The following MYT1L variants were observed in gnomAD, a reference collection of about 807,000 sequenced individuals.
MYT1L encodes myelin transcription factor 1 like.
A neutral mutation model predicts 126.7 loss-of-function variants in MYT1L; 12 were observed. The ratio of observed to expected loss-of-function variants is 0.09; its 90% CI spans 0.06 to 0.15. The LOEUF (loss-of-function observed/expected upper bound fraction) is 0.15, where lower values mean the gene tolerates loss of function less well. Ranked by LOEUF, MYT1L falls within the 10% of genes least tolerant of loss-of-function variation. The pLI is 1.00. For synonymous variants in MYT1L, 541 were observed against 604.2 expected (o/e 0.90, Z 1.53); for missense variants, 979 against 1,585.2 (o/e 0.62, Z 6.49).
At chr2:2,146,411 A>T (rs2084884363) in intron 3 of MYT1L, among the ~76,000 whole-genome samples, 1 of 152,056 alleles carries the variant, frequency 6.6e-6, no homozygotes, top group Non-Finnish European at 1.5e-5. Flanking sequence ...GGGACGATAG[A>T]AGTGAGTGTG....
chr2:1,866,348 G>A (rs920232434), intron 18 of MYT1L, among the ~76,000 whole-genome samples: 6 of 152,058 alleles, frequency 3.9e-5, no homozygotes, highest in Non-Finnish European at 8.8e-5. Context: ...GCTTCCATAG[G>A]TGTGGATCAT....
intron 2 of MYT1L, among the ~76,000 whole-genome samples, chr2:2,217,015 G>A (rs573383531): frequency 1.3e-5 from 2 of 152,298 alleles, no homozygotes; most frequent in African/African-American, 4.8e-5. Context: ...ATCTACCAAA[G>A]AAATGCAAAT....
chr2:2,165,481 T>C (rs1410028831), intron 3 of MYT1L, among the ~76,000 whole-genome samples: 2 of 152,136 alleles, frequency 1.3e-5, no homozygotes, highest in African/African-American at 2.4e-5. Context: ...TTCTCTCACA[T>C]CACCAATGCG....
chr2:1,999,529 G>T (rs1198683161), intron 4 of MYT1L, among the ~76,000 whole-genome samples: 1 of 151,760 alleles, frequency 6.6e-6, no homozygotes, highest in Non-Finnish European at 1.5e-5. Context: ...AAATATGAAA[G>T]AACAGAAAAT....
intron 2 of MYT1L, among the ~76,000 whole-genome samples, chr2:2,200,733 A>C (rs13399743): frequency 6.6e-6 from 1 of 152,186 alleles, no homozygotes; most frequent in African/African-American, 2.4e-5. Context: ...TCTTCTGAAA[A>C]GGGAGTTTCT....
intron 4 of MYT1L, among the ~76,000 whole-genome samples, chr2:2,030,124 GTCT>G (rs1337983370): frequency 6.6e-6 from 1 of 152,300 alleles, no homozygotes; most frequent in East Asian, 1.9e-4. Context: ...TTAAGATGGA[GTCT>G]TGCTCTGTCG....
intron 18 of MYT1L, among the ~76,000 whole-genome samples, chr2:1,854,406 A>C (rs2043652482): frequency 6.6e-6 from 1 of 152,218 alleles, no homozygotes; most frequent in African/African-American, 2.4e-5. Context: ...CTAAATAAGC[A>C]CTACTCAGGT....
chr2:2,250,493 G>T (rs1294013221), intron 2 of MYT1L, among the ~76,000 whole-genome samples: 2 of 151,186 alleles, frequency 1.3e-5, no homozygotes, highest in Non-Finnish European at 2.9e-5. Context: ...GAAAATAGAA[G>T]GAATGTTACC....
chr2:2,033,710 A>T (rs1574697983), intron 4 of MYT1L, among the ~76,000 whole-genome samples: 1 of 152,152 alleles, frequency 6.6e-6, no homozygotes, highest in East Asian at 1.9e-4. Context: ...CTATTAAATC[A>T]ACTCTCCAGG....
chr2:1,810,686 A>T (rs893204878), intron 21 of MYT1L, among the ~76,000 whole-genome samples: 4 of 152,148 alleles, frequency 2.6e-5, no homozygotes, highest in Non-Finnish European at 5.9e-5. Flanking sequence ...TTTCTTTTAA[A>T]ATTTAAGAAA....
At chr2:2,183,979 A>G (rs981913601) in intron 2 of MYT1L, among the ~76,000 whole-genome samples, 152 of 146,056 alleles carry the variant, frequency 1.0e-3, no homozygotes, top group Non-Finnish European at 1.6e-3. Flanking sequence ...AAGAGAAAGA[A>G]AGAGAGAGAG....
At position 2,030,728 on chromosome 2, in the gene MYT1L, G is replaced by T. The variant is rs1338908440; in HGVS notation, c.-158+23250C>A. Among the ~76,000 whole-genome samples the T allele has an allele frequency of 3.3e-5, 5 of 152,098 alleles. 1 individual carries two copies. Among genetic ancestry groups the T allele is most frequent in the Admixed American group, 2.6e-4 (4 of 15,268 alleles). ...TCCTGAGACCAAATTTGTTAATTTG[G>T]TAAAACCTGCCTGTAAGTACAATAC... On this transcript the variant is annotated intron_variant, in intron 4 of 24. Transcript: ENST00000647738.
chr2:2,181,361 T>C (rs2091503142), intron 2 of MYT1L, among the ~76,000 whole-genome samples: 1 of 152,174 alleles, frequency 6.6e-6, no homozygotes, highest in African/African-American at 2.4e-5. Context: ...CTGTTGTCTC[T>C]GACACACAGA....
chr2:1,991,886 A>G (rs2061482479), intron 5 of MYT1L, among the ~76,000 whole-genome samples: 1 of 152,226 alleles, frequency 6.6e-6, no homozygotes, highest in East Asian at 1.9e-4. Flanking sequence ...TCTCGGGTTC[A>G]CCACACTGGC....
chr2:2,126,768 A>G (rs980832089), intron 3 of MYT1L, among the ~76,000 whole-genome samples: 5 of 152,216 alleles, frequency 3.3e-5, no homozygotes, highest in Non-Finnish European at 7.3e-5. Flanking sequence ...CTCCATCCGC[A>G]CATTTTATCA....
chr2:1,796,704 C>T (rs1323425316), intron 23 of MYT1L, among the ~76,000 whole-genome samples: 1 of 152,166 alleles, frequency 6.6e-6, no homozygotes, highest in African/African-American at 2.4e-5. Flanking sequence ...CGGCTCCGAG[C>T]CATCCTCCTT....
chr2:1,972,591 C>T (rs1372711758), intron 8 of MYT1L, among the ~76,000 whole-genome samples: 1 of 152,238 alleles, frequency 6.6e-6, no homozygotes, highest in East Asian at 1.9e-4. Context: ...TGAGTGCTCT[C>T]TGTCAAGGCA....
At chr2:1,857,634 G>T (rs1245542243) in intron 18 of MYT1L, among the ~76,000 whole-genome samples, 2 of 151,678 alleles carry the variant, frequency 1.3e-5, no homozygotes, top group Non-Finnish European at 2.9e-5. Flanking sequence ...TTTATCCCCC[G>T]AATTAAAACA....
At chr2:1,993,396 C>G (rs1396934178) in intron 5 of MYT1L, among the ~76,000 whole-genome samples, 1 of 152,180 alleles carries the variant, frequency 6.6e-6, no homozygotes, top group Non-Finnish European at 1.5e-5. Flanking sequence ...AATGAATACA[C>G]AGAGCAGGCT....
Sources: allele counts gnomAD v4.1 joint callset (sites outside exome capture counted in the v4.1 genomes callset), GRCh38; gene constraint gnomAD v4.1.1; transcripts MANE v1.5; gene names NCBI Gene and HGNC (gene_info 2026-07-23, HGNC 2026-07-21).